PCDHGB4: variants seen among roughly 807,000 people sequenced by gnomAD.
PCDHGB4 encodes protocadherin gamma-B4.
In PCDHGB4, 38 loss-of-function variants were observed where a neutral mutation model predicts 60.5. The observed-to-expected ratio is 0.63, with a 90% CI of 0.48 to 0.82. The LOEUF (loss-of-function observed/expected upper bound fraction) is 0.82. Ranked by LOEUF, PCDHGB4 falls within the 40% of genes least tolerant of loss-of-function variation. PCDHGB4 has a pLI of 0.00. For missense variants in PCDHGB4, 1,109 were observed against 1,209.6 expected (o/e 0.92, Z 1.23); for synonymous variants, 456 against 509.7 (o/e 0.89, Z 1.42).
At position 141,477,055 on chromosome 5, in the gene PCDHGB4, G is replaced by A. The variant is rs531755338; in HGVS notation, c.2398-17752G>A. Reference sequence around the variant, plus strand: ...CAATCAAGGGTCGGCTGGACTTCGAGGACACCAAACTCCATGAGATTTACA... The same window carrying A: ...CAATCAAGGGTCGGCTGGACTTCGAAGACACCAAACTCCATGAGATTTACA... On this transcript the variant is annotated intron_variant, in intron 1 of 3. Transcript: ENST00000519479. This position sits in a 1 kb window ranked among gnomAD's most constrained non-coding sequence, Gnocchi z 4.9. The A allele has an allele frequency of 4.5e-5, 72 of 1,614,242 alleles. 1 individual carries two copies. In the South Asian group the frequency reaches 7.8e-4, roughly 17 times the overall value.
chr5:141,395,157 C>T (rs1217678334), intron 1 of PCDHGB4: 4 of 1,614,174 alleles, frequency 2.5e-6, no homozygotes, highest in Admixed American at 1.7e-5. Context: ...GCTCATCAGT[C>T]AGGAGGGCTG....
rs1189352664 is a variant in PCDHGB4, at chr5:141,390,193, A to G, written c.2309A>G (p.Gln770Arg). 6.2e-7 allele frequency: 1 copy of G among 1,614,060 alleles called. No homozygotes were observed. The highest frequency in any genetic ancestry group is 1.3e-5 in the African/African-American group (1 of 75,058). ...TEFNFLKCSEQLSSGQDILCG... is the reference protein window; with the variant it reads ...TEFNFLKCSERLSSGQDILCG... ...TTTAATTTCCTAAAATGTAGTGAGC[A>G]GTTGAGTTCAGGACAAGACATACTT... is the stretch of plus-strand genomic sequence containing the variant. Residue 770 changes from glutamine (Q) to arginine (R), a missense_variant, in exon 1 of 4, where the codon CAG becomes CGG. Physicochemically the swap from Gln to Arg is conservative, Grantham distance 43. Transcript: ENST00000519479.
chr5:141,388,708 C>A lies in PCDHGB4; in HGVS notation c.824C>A (p.Ala275Asp), dbSNP rs764003797. Residue 275 changes from alanine to aspartate, a missense_variant, in exon 1 of 4, where the codon GCC becomes GAC. This residue lies in a region of PCDHGB4 where 1,068 missense variants were observed against 1,089.9 expected (regional missense o/e 0.98). Transcript: ENST00000519479. ...TATDQDEGVN[A>D]EITFSFSEAS... ...ACGGACCAGGATGAGGGTGTCAATG[C>A]CGAGATTACTTTCTCTTTCAGTGAA... 1.9e-6 allele frequency: 3 copies of A among 1,613,842 alleles called. No individual in the cohort carries two copies. The highest frequency in any genetic ancestry group is 2.5e-6 in the Non-Finnish European group (3 of 1,179,882).
Position 141,485,739 on chromosome 5 carries a change from G to A in PCDHGB4, c.2398-9068G>A. 6.2e-7 allele frequency: 1 copy of A among 1,614,234 alleles called. No individual in the cohort carries two copies. Among genetic ancestry groups the A allele is most frequent in the Non-Finnish European group, 8.5e-7 (1 of 1,180,042 alleles). ...GATGTGAAGAAGCGCAGCGACGGCA[G>A]CCTGGTCCCAGAGCTGCTCCTGGAG... On this transcript the variant is annotated intron_variant, in intron 1 of 3. Transcript: ENST00000519479. The surrounding 1 kb of genome is among the most constrained non-coding windows in gnomAD (Gnocchi z 5.7).
In PCDHGB4 at chr5:141,490,858, G is replaced by C. The variant is rs775132338; in HGVS notation, c.2398-3949G>C. On this transcript the variant is annotated intron_variant, in intron 1 of 3. Coordinates refer to ENST00000519479, the MANE Select transcript of PCDHGB4 (RefSeq NM_003736.4). The surrounding 1 kb of genome is among the most constrained non-coding windows in gnomAD (Gnocchi z 5.4). ...GATTGTGGTGGGGGTTCGAGACTCC[G>C]GCTCTCCCCCATTGCATGCCAACAC... The C allele has an allele frequency of 1.5e-5, 24 of 1,613,704 alleles. 1 individual carries two copies. Among genetic ancestry groups the C allele is most frequent in the Non-Finnish European group, 2.0e-5 (24 of 1,179,918 alleles).
rs145718404 is a variant in PCDHGB4 at position 141,404,928 on chromosome 5, C to T, written c.2397+14647C>T. On this transcript the variant is annotated intron_variant, in intron 1 of 3. Transcript: ENST00000519479. ...CAGCCCCCTCTCTCGGCCACTGTCA[C>T]GCTCACAGTAGCCATAGCTGACAGC... The T allele has an allele frequency of 1.6e-4, 263 of 1,613,866 alleles. 1 individual carries two copies. In the African/African-American group the frequency reaches 2.2e-3, roughly 13 times the overall value.
At chr5:141,474,758 C>T (rs2099354200) in intron 1 of PCDHGB4, among the ~76,000 whole-genome samples, 1 of 152,210 alleles carries the variant, frequency 6.6e-6, no homozygotes, top group Non-Finnish European at 1.5e-5. Flanking sequence ...GACAAATATA[C>T]AGAAATAGTA....
At chr5:141,391,149 G>C (rs1487749660) in intron 1 of PCDHGB4, 1 of 152,032 alleles carries the variant, frequency 6.6e-6, no homozygotes, top group Non-Finnish European at 1.5e-5. Context: ...CTCTAGGAAA[G>C]AAATATAGTC....
At chr5:141,423,067 G>C (rs757110751) in intron 1 of PCDHGB4, 36 of 1,614,024 alleles carry the variant, frequency 2.2e-5, no homozygotes, top group Non-Finnish European at 2.9e-5. Context: ...TAAGGCCAGC[G>C]AGCCGGGACT....
Position 141,487,165 on chromosome 5 carries a change from C to T in PCDHGB4, c.2398-7642C>T, listed in dbSNP as rs1014219030. The T allele has an allele frequency of 1.9e-6, 3 of 1,612,932 alleles. No homozygotes were observed. The highest frequency in any genetic ancestry group is 2.5e-6 in the Non-Finnish European group (3 of 1,178,918). On this transcript the variant is annotated intron_variant, in intron 1 of 3. Coordinates refer to ENST00000519479, the MANE Select transcript of PCDHGB4 (RefSeq NM_003736.4). The surrounding 1 kb of genome is among the most constrained non-coding windows in gnomAD (Gnocchi z 5.0). ...CTACCTCTGTTACTCTCTTAGTGTC[C>T]TTAGAGGAAGACACTCATCCAGTTG...
At position 141,503,992 on chromosome 5, in the gene PCDHGB4, A is replaced by G. The variant is rs1419698681; in HGVS notation, c.2457-1401A>G. 2.6e-5 allele frequency among the ~76,000 whole-genome samples: 4 copies of G among 152,116 alleles called. No homozygotes were observed. In the East Asian group the frequency reaches 7.7e-4, roughly 29 times the overall value. ...GGTGCCAAACCCTTCTTCTTACCTTACAGTCACTTAACTGTCTCTGCTGGT... is the reference window on the plus strand; with the variant it reads ...GGTGCCAAACCCTTCTTCTTACCTTGCAGTCACTTAACTGTCTCTGCTGGT... On this transcript the variant is annotated intron_variant, in intron 2 of 3. Transcript: ENST00000519479.
intron 1 of PCDHGB4, chr5:141,428,279 C>A: frequency 2.7e-6 from 2 of 753,232 alleles, no homozygotes; most frequent in South Asian, 3.0e-5. Context: ...CCCTCTGATT[C>A]CCAAGCAAAG....
intron 1 of PCDHGB4, chr5:141,393,536 T>G: frequency 6.2e-7 from 1 of 1,613,934 alleles, no homozygotes; most frequent in South Asian, 1.1e-5. Flanking sequence ...ATGCCCCGGT[T>G]TTTCCTCACC....
intron 1 of PCDHGB4, chr5:141,415,949 C>T (rs369226000): frequency 6.5e-4 from 320 of 496,036 alleles, no homozygotes; most frequent in African/African-American, 5.9e-3. Context: ...TGGGTGGTCA[C>T]ATATTGAAAC....
intron 2 of PCDHGB4, among the ~76,000 whole-genome samples, chr5:141,498,309 G>A (rs2099783046): frequency 6.6e-6 from 1 of 151,844 alleles, no homozygotes; most frequent in Non-Finnish European, 1.5e-5. Flanking sequence ...GGGTCACACT[G>A]CCTACACAGA....
In PCDHGB4 at chr5:141,487,046, G is replaced by A; in HGVS notation, c.2398-7761G>A. ...CAGCCTGTTTGCAGTCTCTCGATATGCTGGGGAGGTGCGGACGGCTGTTCC... is the reference window on the plus strand; with the variant it reads ...CAGCCTGTTTGCAGTCTCTCGATATACTGGGGAGGTGCGGACGGCTGTTCC... On this transcript the variant is annotated intron_variant, in intron 1 of 3. Coordinates refer to ENST00000519479, the MANE Select transcript of PCDHGB4 (RefSeq NM_003736.4). The surrounding 1 kb of genome is among the most constrained non-coding windows in gnomAD (Gnocchi z 5.0). 6.2e-7 allele frequency: 1 copy of A among 1,614,192 alleles called. No individual in the cohort carries two copies. Among genetic ancestry groups the A allele is most frequent in the Non-Finnish European group, 8.5e-7 (1 of 1,180,040 alleles).
chr5:141,398,329 G>A, intron 1 of PCDHGB4: 2 of 1,358,092 alleles, frequency 1.5e-6, no homozygotes, highest in African/African-American at 1.5e-5. Flanking sequence ...AAAACTGCGC[G>A]TCAGTTCGGA....
chr5:141,391,885 G>C (rs1250781964), intron 1 of PCDHGB4: 2 of 152,194 alleles, frequency 1.3e-5, no homozygotes, highest in Non-Finnish European at 2.9e-5. Flanking sequence ...TGGTGAAAGG[G>C]ATGGGATGGA....
intron 1 of PCDHGB4, among the ~76,000 whole-genome samples, chr5:141,480,106 A>C (rs1466691134): frequency 6.6e-6 from 1 of 152,196 alleles, no homozygotes; most frequent in Non-Finnish European, 1.5e-5. Context: ...AGTGTTTAGC[A>C]TGGTGCCTGG....
Sources: gnomAD v4.1 joint callset for allele counts (sites outside exome capture counted in the v4.1 genomes callset) on GRCh38, gnomAD v4.1.1 for gene constraint, gnomAD v4.1.1 regional missense constraint, Gnocchi (gnomAD v3.1) non-coding constraint, MANE v1.5 for transcripts, NCBI Gene and HGNC (gene_info 2026-07-23, HGNC 2026-07-21) for gene names.